MUSK: variants seen among roughly 807,000 people sequenced by gnomAD.
The protein encoded by MUSK is muscle associated receptor tyrosine kinase.
MUSK carries 55 observed loss-of-function variants against 88.7 expected under a neutral mutation model. The observed-to-expected ratio is 0.62, with a 90% CI of 0.50 to 0.78. The LOEUF (loss-of-function observed/expected upper bound fraction) is 0.78, where lower values mean the gene tolerates loss of function less well. MUSK is among the 30% of genes least tolerant of loss of function. MUSK has a pLI of 0.00. For synonymous variants in MUSK, 387 were observed against 391.9 expected (o/e 0.99, Z 0.15); for missense variants, 1,015 against 1,074.3 (o/e 0.94, Z 0.77).
Position 110,787,772 on chromosome 9 carries a change from G to T in MUSK, c.1861G>T (p.Ala621Ser). 1 of 1,613,834 alleles carries T rather than the reference G, an allele frequency of 6.2e-7. No individual in the cohort carries two copies. The highest frequency in any genetic ancestry group is 8.5e-7 in the Non-Finnish European group (1 of 1,179,806). ...AGAAGAAGCCTCGGCAGATATGCAA[G>T]CGGACTTTCAGAGGGAGGCAGCCCT... The part of the protein sequence containing the change: ...LKEEASADMQ[A>S]DFQREAALMA... Residue 621 changes from alanine to serine, a missense_variant, in exon 14 of 15, where the codon GCG (alanine) becomes TCG (serine). Transcript: ENST00000374448.
intron 5 of MUSK, among the ~76,000 whole-genome samples, chr9:110,723,011 C>T (rs2076834482): frequency 1.3e-5 from 2 of 152,032 alleles, no homozygotes; most frequent in African/African-American, 4.8e-5. Context: ...ACCATTTGAT[C>T]CAGCAATCCC....
intron 6 of MUSK, among the ~76,000 whole-genome samples, chr9:110,738,076 G>C (rs987296842): frequency 6.6e-6 from 1 of 152,062 alleles, no homozygotes; most frequent in African/African-American, 2.4e-5. Context: ...TGACTTTGTA[G>C]GGAAAATGTA....
intron 6 of MUSK, among the ~76,000 whole-genome samples, chr9:110,738,285 TA>T (rs140267307): frequency 0.27 from 40,653 of 152,056 alleles, 6,165 homozygotes; most frequent in Non-Finnish European, 0.34. Flanking sequence ...TTCAGGTCCA[TA>T]AACAAGGGTT....
chr9:110,801,116 T>A lies in MUSK; in HGVS notation c.*128T>A, dbSNP rs2078092564. 3 of 849,002 alleles carry A rather than the reference T, an allele frequency of 3.5e-6. No homozygotes were observed. The East Asian group carries it at 8.3e-5, about 24-fold the overall frequency. 52.6% of individuals were successfully genotyped at this position (849,002 alleles called of 1,614,324 possible). A position where few individuals can be genotyped will look rare whatever the true frequency, so the allele number is the denominator to read the frequency against. ...AGAGTAAACATGAGTAGTGTGTTGT[T>A]TGCTTCCCAGGGAGAGCAAAGACAG... On this transcript the variant is annotated 3_prime_UTR_variant, in exon 15 of 15. Coordinates refer to ENST00000374448, the MANE Select transcript of MUSK (RefSeq NM_005592.4).
intron 1 of MUSK, among the ~76,000 whole-genome samples, chr9:110,678,403 C>T (rs541474129): frequency 2.0e-5 from 3 of 152,258 alleles, no homozygotes; most frequent in African/African-American, 7.2e-5. Context: ...CTCAGCCTCC[C>T]AAAGTGTTGA....
chr9:110,774,554 C>T (rs1364203923), intron 9 of MUSK, among the ~76,000 whole-genome samples: 1 of 152,048 alleles, frequency 6.6e-6, no homozygotes, highest in Non-Finnish European at 1.5e-5. Flanking sequence ...TATTGATTTA[C>T]ACTTTAACTA....
At chr9:110,723,234 T>TATACACACAC (rs1554744129) in intron 5 of MUSK, among the ~76,000 whole-genome samples, 1 of 146,670 alleles carries the variant, frequency 6.8e-6, no homozygotes, top group Non-Finnish European at 1.5e-5. Context: ...TACATATACA[T>TATACACACAC]ACACACACAC....
intron 6 of MUSK, among the ~76,000 whole-genome samples, chr9:110,745,147 C>T (rs2131869521): frequency 6.6e-6 from 1 of 152,290 alleles, no homozygotes; most frequent in South Asian, 2.1e-4. Flanking sequence ...AAGCATGAAC[C>T]TCCTAAAGTG....
At chr9:110,689,782 T>C (rs1303547777) in intron 3 of MUSK, among the ~76,000 whole-genome samples, 1 of 57,530 alleles carries the variant, frequency 1.7e-5, no homozygotes, top group African/African-American at 6.7e-5. Flanking sequence ...ACATATAGTT[T>C]ATATATTTTT....
At chr9:110,734,516 T>C in intron 6 of MUSK, 141 bp downstream of exon 6, 3 of 1,086,246 alleles carry the variant, frequency 2.8e-6, no homozygotes, top group Non-Finnish European at 3.9e-6. Context: ...AATATCTTTG[T>C]CCTAGAAGCC....
At position 110,697,423 on chromosome 9, in the gene MUSK, C is replaced by G. The variant is rs746719179; in HGVS notation, c.585C>G (p.Ser195Arg). 6.2e-7 allele frequency: 1 copy of G among 1,611,692 alleles called. No homozygotes were observed. The highest frequency in any genetic ancestry group is 1.3e-5 in the African/African-American group (1 of 74,828). Residue 195 changes from serine (S) to arginine (R), a missense_variant, in exon 5 of 15, where the codon AGC becomes AGG. Ser to Arg is a moderately radical substitution (Grantham distance 110, BLOSUM62 -1). Transcript: ENST00000374448. ...AGQYRCVAKN[S>R]LGTAYSKVVK... ...AGTATCGATGTGTGGCAAAAAACAG[C>G]CTCGGGACAGCATATTCCAAAGTGG...
At chr9:110,729,484 A>C (rs543189577) in intron 5 of MUSK, among the ~76,000 whole-genome samples, 2 of 151,964 alleles carry the variant, frequency 1.3e-5, no homozygotes, top group South Asian at 2.1e-4. Flanking sequence ...ATTAATCTCA[A>C]ACTGGTATTA....
chr9:110,759,372 C>A (rs34238741), intron 7 of MUSK, among the ~76,000 whole-genome samples: 1 of 152,110 alleles, frequency 6.6e-6, no homozygotes, highest in African/African-American at 2.4e-5. Context: ...AACAGTAAAC[C>A]TGAAAGATAA....
At chr9:110,720,520 C>A (rs2076797498) in intron 5 of MUSK, among the ~76,000 whole-genome samples, 1 of 151,972 alleles carries the variant, frequency 6.6e-6, no homozygotes, top group Admixed American at 6.6e-5. Context: ...TGGAAGTATA[C>A]AACCCTCCTA....
rs867980487 is a variant in MUSK, at chr9:110,755,955, T to C, written c.914-6247T>C. ...ATACATATATATATATATATACACA[T>C]ATATATATACATATATATATATACA... On this transcript the variant is annotated intron_variant, in intron 7 of 14. Transcript: ENST00000374448. 1.6e-4 allele frequency among the ~76,000 whole-genome samples: 14 copies of C among 89,974 alleles called. 1 individual carries two copies. Among genetic ancestry groups the C allele is most frequent in the East Asian group, 4.1e-4 (1 of 2,440 alleles). The allele number at this position is 89,974 out of a possible 152,430, so 59.0% of individuals were successfully genotyped here.
At chr9:110,732,813 A>G (rs1475302496) in intron 5 of MUSK, among the ~76,000 whole-genome samples, 1 of 152,086 alleles carries the variant, frequency 6.6e-6, no homozygotes, top group East Asian at 1.9e-4. Flanking sequence ...TTTGGGACCC[A>G]CATTTCTATA....
At chr9:110,768,464 C>T (rs1186924205) in intron 9 of MUSK, among the ~76,000 whole-genome samples, 1 of 152,132 alleles carries the variant, frequency 6.6e-6, no homozygotes, top group East Asian at 1.9e-4. Flanking sequence ...CCACTGCACT[C>T]CAGCCTGAGT....
At chr9:110,704,062 T>G (rs2131746107) in intron 5 of MUSK, among the ~76,000 whole-genome samples, 1 of 152,260 alleles carries the variant, frequency 6.6e-6, no homozygotes, top group South Asian at 2.1e-4. Flanking sequence ...CATCTATCCT[T>G]ACAATTTGGT....
intron 6 of MUSK, among the ~76,000 whole-genome samples, chr9:110,741,010 G>C (rs888701993): frequency 2.0e-5 from 3 of 152,132 alleles, no homozygotes; most frequent in African/African-American, 7.2e-5. Context: ...GATCATCAAA[G>C]GGTACAAAGT....
Sources: gnomAD v4.1 joint callset for allele counts (sites outside exome capture counted in the v4.1 genomes callset) on GRCh38, gnomAD v4.1.1 for gene constraint, MANE v1.5 for transcripts, NCBI Gene and HGNC (gene_info 2026-07-23, HGNC 2026-07-21) for gene names.